Variants in BEST3 observed in about 807,000 individuals in gnomAD.
BEST3 encodes the protein bestrophin 3.
In BEST3, 50 loss-of-function variants were observed where a neutral mutation model predicts 47.1. The ratio of observed to expected loss-of-function variants is 1.06; its 90% CI spans 0.85 to 1.34. The LOEUF (loss-of-function observed/expected upper bound fraction) is 1.34, where lower values mean the gene tolerates loss of function less well. Ranked by LOEUF, BEST3 falls within the 40% of genes most tolerant of loss-of-function variation. The pLI, the probability that BEST3 is intolerant of heterozygous loss-of-function variation, is 0.00. For missense variants in BEST3, 765 were observed against 817.0 expected, an observed-to-expected ratio of 0.94 and a Z score of 0.78; for synonymous variants, 282 against 298.8, an observed-to-expected ratio of 0.94 and a Z score of 0.58.
In BEST3 at chr12:69,655,493, T is replaced by C. The variant is rs1167369147; in HGVS notation, c.1421A>G (p.Glu474Gly). 1 of 1,614,002 alleles carries C rather than the reference T, an allele frequency of 6.2e-7. No homozygotes were observed. Among genetic ancestry groups the C allele is most frequent in the African/African-American group, 1.3e-5 (1 of 74,894 alleles). The change falls in exon 10 of 10, where the codon GAG becomes GGG. Residue 474 changes from glutamate (E) to glycine (G), a missense_variant. Physicochemically the swap from Glu to Gly is moderately conservative, Grantham distance 98. Transcript: ENST00000330891. ...FSMGELSTIR[E>G]TSQTSTLQSL... is the part of the protein sequence containing the mutation. ...CTGTAAAGTGCTTGTCTGGCTGGTC[T>C]CCCTGATGGTGGACAGCTCTCCCAT...
At chr12:69,695,142 A>G (rs116210585) in intron 2 of BEST3, among the ~76,000 whole-genome samples, 255 of 152,330 alleles carry the variant, frequency 1.7e-3, no homozygotes, top group African/African-American at 5.7e-3. Context: ...TAATGAGACT[A>G]TTATTGATAT....
chr12:69,694,341 G>T, intron 3 of BEST3, 29 bp downstream of exon 3: 1 of 1,400,932 alleles, frequency 7.1e-7, no homozygotes, highest in Non-Finnish European at 1.0e-6. Context: ...CAGCTATGTG[G>T]CTGCAATCTG....
At chr12:69,656,664 G>T (rs534189459) in intron 9 of BEST3, among the ~76,000 whole-genome samples, 1 of 152,044 alleles carries the variant, frequency 6.6e-6, no homozygotes, top group Non-Finnish European at 1.5e-5. Flanking sequence ...ACTATAAAGT[G>T]AGGTATTAGT....
intron 7 of BEST3, among the ~76,000 whole-genome samples, chr12:69,674,056 C>T (rs903135258): frequency 7.2e-5 from 11 of 151,948 alleles, no homozygotes; most frequent in Non-Finnish European, 1.6e-4. Context: ...TCTGGACATG[C>T]GTGCATGCTC....
chr12:69,686,439 A>G (rs1273924680), intron 4 of BEST3, among the ~76,000 whole-genome samples: 1 of 152,134 alleles, frequency 6.6e-6, no homozygotes, highest in Non-Finnish European at 1.5e-5. Context: ...CATTAGTCCC[A>G]AAAAACAGCC....
chr12:69,670,190 A>G (rs7958416), intron 9 of BEST3: 123,599 of 385,982 alleles, frequency 0.32, 21,638 homozygotes, highest in South Asian at 0.49. Flanking sequence ...AGAAGGTATC[A>G]TGAAGGCTGA....
At chr12:69,678,228 T>C (rs775495) in intron 5 of BEST3, among the ~76,000 whole-genome samples, 129,734 of 151,836 alleles carry the variant, frequency 0.85, 55,792 homozygotes, top group Middle Eastern at 0.99. Context: ...TACCCAGCCC[T>C]TATATAAAAA....
intron 4 of BEST3, chr12:69,684,296 A>C (rs1885427929): frequency 2.7e-6 from 1 of 375,650 alleles, no homozygotes; most frequent in South Asian, 1.3e-4. Context: ...AGTAAAATCT[A>C]TCTCTCAATA....
intron 4 of BEST3, chr12:69,687,310 TA>T (rs980065629): frequency 1.2e-4 from 18 of 152,202 alleles, no homozygotes; most frequent in African/African-American, 3.9e-4. Flanking sequence ...CCTGTAGTCA[TA>T]GAAGACAGTC....
Position 69,694,455 on chromosome 12 carries a change from A to G in BEST3, c.162T>C (p.Leu54=). 1 of 1,594,618 alleles carries G rather than the reference A, an allele frequency of 6.3e-7. No individual in the cohort carries two copies. ...CAAAGTAACGTTTTTGGACTCCTGT[A>G]AGTAACAATCTGGAGCAAAAATAAA... ...TAISLVYRLL[L]TGVQKRYFEK... Residue 54 remains leucine (L), a synonymous_variant, in exon 3 of 10, where the codon CTT becomes CTC. Transcript: ENST00000330891.
chr12:69,692,018 C>A (rs184162771), intron 4 of BEST3, among the ~76,000 whole-genome samples: 29 of 152,318 alleles, frequency 1.9e-4, no homozygotes, highest in Admixed American at 1.7e-3. Context: ...CCAACCTTCT[C>A]TTTGTATTTT....
At chr12:69,675,475 G>C (rs1220139351) in intron 7 of BEST3, among the ~76,000 whole-genome samples, 1 of 152,158 alleles carries the variant, frequency 6.6e-6, no homozygotes, top group Non-Finnish European at 1.5e-5. Flanking sequence ...CAGAGGGAAG[G>C]AACCATTATC....
chr12:69,680,467 C>T (rs1311633690), intron 4 of BEST3, among the ~76,000 whole-genome samples: 1 of 151,864 alleles, frequency 6.6e-6, no homozygotes, highest in Non-Finnish European at 1.5e-5. Flanking sequence ...TGCCACCACG[C>T]CCGGCTAAGT....
intron 4 of BEST3, among the ~76,000 whole-genome samples, chr12:69,686,891 C>T (rs1399816985): frequency 1.3e-5 from 2 of 152,122 alleles, no homozygotes; most frequent in East Asian, 3.9e-4. Context: ...TGCAGAAGGT[C>T]GCAAAACTTT....
In BEST3 at chr12:69,655,081, C is replaced by T; in HGVS notation, c.1833G>A (p.Met611Ile). The change falls in exon 10 of 10, where the codon ATG becomes ATA. Residue 611 changes from methionine to isoleucine, a missense_variant. Physicochemically the swap from Met to Ile is conservative, Grantham distance 10. Coordinates refer to ENST00000330891, the MANE Select transcript of BEST3 (RefSeq NM_032735.3). ...CAATTAAAAGAGCTGGCTGAGAGCT[C>T]ATGGGGTCTGGACTTAGGTTTCCCA... ...TSLGNLSPDP[M>I]SSQPALLIDT... 1 of 1,614,170 alleles carries T rather than the reference C, an allele frequency of 6.2e-7. No individual in the cohort carries two copies. Among genetic ancestry groups the T allele is most frequent in the Non-Finnish European group, 8.5e-7 (1 of 1,180,032 alleles).
intron 6 of BEST3, 41 bp downstream of exon 6, chr12:69,677,139 G>C: frequency 6.2e-7 from 1 of 1,613,626 alleles, no homozygotes; most frequent in Non-Finnish European, 8.5e-7. Context: ...TGCCAAGGTA[G>C]GCAAGTAGAA....
intron 9 of BEST3, among the ~76,000 whole-genome samples, chr12:69,644,201 C>T (rs1882962647): frequency 6.6e-6 from 1 of 152,172 alleles, no homozygotes; most frequent in South Asian, 2.1e-4. Context: ...GGTTTATGTG[C>T]AGGCCTGATT....
At chr12:69,652,214 G>A (rs1883233424), downstream of BEST3, among the ~76,000 whole-genome samples, 1 of 152,140 alleles carries the variant, frequency 6.6e-6, no homozygotes, top group Non-Finnish European at 1.5e-5. Context: ...CGCACTCTCT[G>A]GCTTTTGGAT....
downstream of BEST3, among the ~76,000 whole-genome samples, chr12:69,653,216 A>G (rs1037404522): frequency 6.6e-6 from 1 of 152,222 alleles, no homozygotes; most frequent in Admixed American, 6.5e-5. Flanking sequence ...AGCTGGAGCA[A>G]TGCCCTTCTC....
Sources: gnomAD v4.1 joint callset for allele counts (sites outside exome capture counted in the v4.1 genomes callset) on GRCh38, gnomAD v4.1.1 for gene constraint, MANE v1.5 for transcripts, NCBI Gene and HGNC (gene_info 2026-07-23, HGNC 2026-07-21) for gene names.